LONRF3: variants seen among roughly 807,000 people sequenced by gnomAD.
LONRF3 encodes LON peptidase N-terminal domain and ring finger 3, also known as LON peptidase N-terminal domain and RING finger protein 3.
A neutral mutation model predicts 51.7 loss-of-function variants in LONRF3; 19 were observed. That is an observed-to-expected ratio of 0.37 (90% CI 0.26 to 0.54). LONRF3 has a LOEUF of 0.54. Among genes scored for constraint, LONRF3 ranks in the 20% least tolerant of loss-of-function variants. The pLI is 0.86. For missense variants in LONRF3, 521 were observed against 623.9 expected, an observed-to-expected ratio of 0.84 and a Z score of 1.76; for synonymous variants, 265 against 257.8, an observed-to-expected ratio of 1.03 and a Z score of -0.27.
rs1923233922 is a variant in LONRF3 at position 118,989,269 on chromosome X, C to T, written c.1060-139C>T. 7.3e-6 allele frequency: 5 copies of T among 680,450 alleles called. No individual in the cohort carries two copies. In the Admixed American group the frequency reaches 1.6e-4, roughly 22 times the overall value. 56.1% of individuals were successfully genotyped at this position (680,450 alleles called of 1,213,427 possible). A position where few individuals can be genotyped will look rare whatever the true frequency, so the allele number is the denominator to read the frequency against. The stretch of plus-strand genomic sequence containing the variant: ...GGAAATAATGCCTTATGACGGCCCC[C>T]AAGTTGAGCTCTGTGTCCACTATGA... On this transcript the variant is annotated intron_variant, in intron 3 of 10. Transcript: ENST00000371628.
chrX:118,990,487 G>A lies in LONRF3; in HGVS notation c.1342G>A (p.Gly448Arg). 3.3e-6 allele frequency: 4 copies of A among 1,208,460 alleles called. No individual in the cohort carries two copies. In the South Asian group the frequency reaches 7.0e-5, roughly 21 times the overall value. The change falls in exon 5 of 11, where the codon GGG (glycine) becomes AGG (arginine). Residue 448 changes from glycine (G) to arginine (R), a missense_variant. Physicochemically the swap from Gly to Arg is moderately radical, Grantham distance 125. Around this residue, in one of 2 missense-constraint regions of LONRF3, gnomAD observed 376 missense variants for 376.7 expected, o/e 1.00. Transcript: ENST00000371628. The stretch of plus-strand genomic sequence containing the variant: ...AATCGCAGATCCTCCCACTGATCAG[G>A]GGGACAAACCTGCTCTCAGTTTACC... ...ASKQDPPTDQ[G>R]DKPALSLPLA...
rs36091758 is a variant in LONRF3, at chrX:118,978,511, T to A, written c.936+48T>A. 2.5e-3 allele frequency: 2,184 copies of A among 879,743 alleles called. 29 individuals are homozygous for A. The African/African-American group carries it at 0.036, about 14-fold the overall frequency. The allele number at this position is 879,743 out of a possible 1,213,427, so 72.5% of individuals were successfully genotyped here. On this transcript the variant is annotated intron_variant, in intron 2 of 10. Coordinates refer to ENST00000371628, the MANE Select transcript of LONRF3 (RefSeq NM_001031855.3). ...GGGAAGGGGTTGTACTGTAGACAGG[T>A]ATTGGCAGGAAGGGCTGCCTCCCTG...
intron 10 of LONRF3, 104 bp downstream of exon 10, chrX:119,014,460 A>G: frequency 2.6e-6 from 2 of 761,085 alleles, no homozygotes; most frequent in Non-Finnish European, 3.8e-6. Flanking sequence ...CATCGAATGC[A>G]GAGAGGAAGA....
intron 10 of LONRF3, among the ~76,000 whole-genome samples, chrX:119,016,980 G>A (rs1275913635): frequency 8.9e-6 from 1 of 112,416 alleles, no homozygotes; most frequent in Non-Finnish European, 1.9e-5. Flanking sequence ...GAGGCATGGT[G>A]TATCTGTTAG....
At position 119,000,300 on chromosome X, in the gene LONRF3, T is replaced by A. The variant is rs150063459; in HGVS notation, c.1416-5821T>A. ...GCATTGGTAGAAAAACAAGTTAGAG[T>A]ATGAATTTGTATACACGGATTCTAG... On this transcript the variant is annotated intron_variant, in intron 5 of 10. Coordinates refer to ENST00000371628, the MANE Select transcript of LONRF3 (RefSeq NM_001031855.3). 2.7e-4 allele frequency among the ~76,000 whole-genome samples: 30 copies of A among 111,999 alleles called. 1 individual carries two copies. In the East Asian group the frequency reaches 8.4e-3, roughly 32 times the overall value.
At chrX:118,978,713 G>A in intron 2 of LONRF3, among the ~76,000 whole-genome samples, 1 of 111,557 alleles carries the variant, frequency 9.0e-6, no homozygotes, top group Non-Finnish European at 1.9e-5. Flanking sequence ...TCTAGAATAT[G>A]CACTTGGGAG....
At chrX:119,017,359 T>C (rs938239103) in intron 10 of LONRF3, among the ~76,000 whole-genome samples, 176 bp from the exon 11 acceptor site, 1 of 112,212 alleles carries the variant, frequency 8.9e-6, no homozygotes, top group Non-Finnish European at 1.9e-5. Context: ...ATGCAGTCTT[T>C]TTTCTGGGTG....
At chrX:118,986,454 A>G (rs1922972323) in intron 3 of LONRF3, among the ~76,000 whole-genome samples, 1 of 111,872 alleles carries the variant, frequency 8.9e-6, no homozygotes, top group South Asian at 3.8e-4. Flanking sequence ...GGATCCTAGA[A>G]GACATTTGTA....
At chrX:119,001,199 CTT>C (rs898525984) in intron 5 of LONRF3, among the ~76,000 whole-genome samples, 48 of 111,872 alleles carry the variant, frequency 4.3e-4, no homozygotes, top group African/African-American at 1.4e-3. Context: ...CTGTCTCTCT[CTT>C]TTTCAGAAGG....
At chrX:119,015,379 C>T (rs967385353) in intron 10 of LONRF3, among the ~76,000 whole-genome samples, 3 of 111,898 alleles carry the variant, frequency 2.7e-5, no homozygotes, top group Non-Finnish European at 5.6e-5. Context: ...GTTCTAAAGC[C>T]CCCTCTTCCT....
rs747636905 is a variant in LONRF3, at chrX:119,013,004, G to A, written c.1812-35G>A. The A allele has an allele frequency of 5.0e-6, 6 of 1,204,449 alleles. No homozygotes were observed. In the South Asian group the frequency reaches 1.1e-4, roughly 22 times the overall value. Reference sequence around the variant, plus strand: ...AGCCCAGGGAAACAGAACTCATCAAGGATCTAGTCTCTCGACTCCATTCTC... The same window carrying A: ...AGCCCAGGGAAACAGAACTCATCAAAGATCTAGTCTCTCGACTCCATTCTC... On this transcript the variant is annotated intron_variant, in intron 8 of 10. Coordinates refer to ENST00000371628, the MANE Select transcript of LONRF3 (RefSeq NM_001031855.3).
rs756497121 is a variant in LONRF3, at chrX:118,975,546, G to A, written c.766G>A (p.Glu256Lys). 5 of 1,198,382 alleles carry A rather than the reference G, an allele frequency of 4.2e-6. No individual in the cohort carries two copies. The African/African-American group carries it at 5.3e-5, about 13-fold the overall frequency. ...LRHEGNRLYR[E>K]RQVEAALLKY... is the part of the protein sequence containing the mutation. ...GCACGAGGGCAACCGACTGTACCGC[G>A]AGCGCCAGGTGGAGGCGGCACTGCT... The change falls in exon 1 of 11, where the codon GAG becomes AAG. Residue 256 changes from glutamate (E) to lysine (K), a missense_variant. Physicochemically the swap from Glu to Lys is moderately conservative, Grantham distance 56. Coordinates refer to ENST00000371628, the MANE Select transcript of LONRF3 (RefSeq NM_001031855.3).
At position 119,017,718 on chromosome X, in the gene LONRF3, A is replaced by G; in HGVS notation, c.*28A>G. On this transcript the variant is annotated 3_prime_UTR_variant, in exon 11 of 11. Transcript: ENST00000371628. ...AGTGGATTGCCGAAGAGGAGCTCCCACCTTCCCCACTGCCGTCGGGGGGAG... is the reference window on the plus strand; with the variant it reads ...AGTGGATTGCCGAAGAGGAGCTCCCGCCTTCCCCACTGCCGTCGGGGGGAG... The G allele has an allele frequency of 8.7e-7, 1 of 1,151,040 alleles. No individual in the cohort carries two copies. The highest frequency in any genetic ancestry group is 1.2e-6 in the Non-Finnish European group (1 of 861,250). The allele number at this position is 1,151,040 out of a possible 1,213,427, so 94.9% of individuals were successfully genotyped here.
intron 1 of LONRF3, chrX:118,976,967 G>C (rs1213999351): frequency 9.0e-6 from 1 of 111,717 alleles, no homozygotes; most frequent in Non-Finnish European, 1.9e-5. Context: ...AGGAGGAGGA[G>C]GAATGAGGAC....
intron 5 of LONRF3, among the ~76,000 whole-genome samples, chrX:119,005,219 C>G (rs1924624479): frequency 9.0e-6 from 1 of 111,435 alleles, no homozygotes; most frequent in Non-Finnish European, 1.9e-5. Context: ...CTGTGCTGCT[C>G]CTCTTGGTGA....
chrX:118,974,739 C>T lies in LONRF3; in HGVS notation c.-42C>T. On this transcript the variant is annotated 5_prime_UTR_variant, in exon 1 of 11. Coordinates refer to ENST00000371628, the MANE Select transcript of LONRF3 (RefSeq NM_001031855.3). ...AGCTGCCACTCCTTGCTTCGTGTCCCCGGTCCCTAGACGCCTCGTCTCCTC... is the reference window on the plus strand; with the variant it reads ...AGCTGCCACTCCTTGCTTCGTGTCCTCGGTCCCTAGACGCCTCGTCTCCTC... 9.2e-7 allele frequency: 1 copy of T among 1,086,043 alleles called. No individual in the cohort carries two copies. Among genetic ancestry groups the T allele is most frequent in the Non-Finnish European group, 1.2e-6 (1 of 814,956 alleles). The allele number at this position is 1,086,043 out of a possible 1,213,427, so 89.5% of individuals were successfully genotyped here. A position where few individuals can be genotyped will look rare whatever the true frequency, so the allele number is the denominator to read the frequency against.
intron 5 of LONRF3, among the ~76,000 whole-genome samples, chrX:118,996,905 G>A (rs1923909800): frequency 1.1e-5 from 1 of 93,214 alleles, no homozygotes; most frequent in Non-Finnish European, 2.1e-5. Flanking sequence ...CTGGGCGACA[G>A]AGCTAGACTC....
In LONRF3 at chrX:118,995,109, A is replaced by G. The variant is rs140924738; in HGVS notation, c.1415+4549A>G. 2.4e-3 allele frequency among the ~76,000 whole-genome samples: 267 copies of G among 112,446 alleles called. 1 individual carries two copies. The highest frequency in any genetic ancestry group is 8.2e-3 in the African/African-American group (254 of 31,016). ...TAGACCATAAAATGAGCCTCACTAA[A>G]TTTAAGAGAACTGAAATTATATCAA... On this transcript the variant is annotated intron_variant, in intron 5 of 10. Coordinates refer to ENST00000371628, the MANE Select transcript of LONRF3 (RefSeq NM_001031855.3).
intron 2 of LONRF3, among the ~76,000 whole-genome samples, chrX:118,979,292 C>T (rs1007637765): frequency 9.3e-6 from 1 of 106,967 alleles, no homozygotes; most frequent in African/African-American, 3.5e-5. Context: ...CGTGAGCCAC[C>T]GCGCTGGCTT....
Sources: allele counts gnomAD v4.1 joint callset (sites outside exome capture counted in the v4.1 genomes callset), GRCh38; gene constraint gnomAD v4.1.1; regional missense constraint gnomAD v4.1.1; transcripts MANE v1.5; gene names NCBI Gene and HGNC (gene_info 2026-07-23, HGNC 2026-07-21).